Variants in DAB1 observed in about 807,000 individuals in gnomAD.
The protein encoded by DAB1 is DAB adaptor protein 1, also known as disabled homolog 1.
Under a neutral mutation model 64.6 loss-of-function variants are expected in DAB1, and 15 were observed. The ratio of observed to expected loss-of-function variants is 0.23; its 90% CI spans 0.16 to 0.36. The LOEUF (loss-of-function observed/expected upper bound fraction) is 0.36, where lower values mean the gene tolerates loss of function less well. DAB1 is among the 10% of genes least tolerant of loss of function. The pLI is 1.00. For missense variants in DAB1, 596 were observed against 706.7 expected (o/e 0.84, Z 1.78); for synonymous variants, 235 against 251.9 (o/e 0.93, Z 0.64).
chr1:57,672,140 C>A (rs987967199), intron 6 of DAB1, among the ~76,000 whole-genome samples: 1 of 152,062 alleles, frequency 6.6e-6, no homozygotes, highest in Admixed American at 6.6e-5. Context: ...GGTGTCATAT[C>A]CAGTCAGGTG....
intron 6 of DAB1, among the ~76,000 whole-genome samples, chr1:57,765,494 T>C (rs1049576819): frequency 6.6e-6 from 1 of 152,154 alleles, no homozygotes; most frequent in Admixed American, 6.6e-5. Context: ...TGAAAGCAGA[T>C]TCCATTTCCA....
intron 7 of DAB1, among the ~76,000 whole-genome samples, chr1:57,549,937 G>T (rs556411581): frequency 6.6e-6 from 1 of 152,128 alleles, no homozygotes; most frequent in Admixed American, 6.6e-5. Context: ...GTGGGCAAAG[G>T]CATCTTTTGT....
intron 3 of DAB1, among the ~76,000 whole-genome samples, chr1:58,430,509 C>T (rs532608521): frequency 4.6e-5 from 7 of 152,190 alleles, no homozygotes; most frequent in East Asian, 3.9e-4. Context: ...AACTCTGTGG[C>T]GCCAGAAGTG....
chr1:57,178,226 T>C (rs1662539722), intron 2 of DAB1, among the ~76,000 whole-genome samples: 1 of 151,358 alleles, frequency 6.6e-6, no homozygotes, highest in African/African-American at 2.4e-5. Flanking sequence ...TACTTAAAGC[T>C]AAATATACAT....
intron 5 of DAB1, among the ~76,000 whole-genome samples, chr1:58,094,630 T>C (rs1455311208): frequency 6.6e-6 from 1 of 152,248 alleles, no homozygotes; most frequent in Non-Finnish European, 1.5e-5. Context: ...TAAGGTACTG[T>C]ATATAAAACA....
chr1:58,429,470 G>A (rs1644849454), intron 3 of DAB1, among the ~76,000 whole-genome samples: 1 of 152,224 alleles, frequency 6.6e-6, no homozygotes, highest in African/African-American at 2.4e-5. Flanking sequence ...CGATCACAGT[G>A]AGATGTGCTG....
At chr1:57,015,648 A>C (rs1308826894) in intron 11 of DAB1, among the ~76,000 whole-genome samples, 1 of 152,220 alleles carries the variant, frequency 6.6e-6, no homozygotes, top group Admixed American at 6.5e-5. Context: ...TGAGGAGATG[A>C]TCTGTAAGCA....
intron 2 of DAB1, among the ~76,000 whole-genome samples, chr1:57,150,101 G>A (rs781479892): frequency 6.6e-6 from 1 of 152,092 alleles, no homozygotes; most frequent in South Asian, 2.1e-4. Flanking sequence ...CCAGCTCTCT[G>A]ACCTACCTCC....
intron 2 of DAB1, among the ~76,000 whole-genome samples, chr1:57,287,873 G>A (rs1057112183): frequency 2.0e-5 from 3 of 151,856 alleles, no homozygotes; most frequent in African/African-American, 7.3e-5. Flanking sequence ...TTGGCTCACC[G>A]TAACCTCTGC....
At chr1:57,910,451 G>T (rs961980074) in intron 5 of DAB1, among the ~76,000 whole-genome samples, 4 of 152,142 alleles carry the variant, frequency 2.6e-5, no homozygotes, top group Non-Finnish European at 5.9e-5. Flanking sequence ...CCACAGCACC[G>T]CTCTGGCAAG....
At chr1:58,255,260 C>G (rs567595877) in intron 4 of DAB1, among the ~76,000 whole-genome samples, 4 of 150,776 alleles carry the variant, frequency 2.7e-5, no homozygotes, top group Middle Eastern at 3.4e-3. Flanking sequence ...TTGTTTTTTT[C>G]TTGTAAATTT....
At chr1:58,344,735 G>C (rs1290789314) in intron 3 of DAB1, among the ~76,000 whole-genome samples, 2 of 152,162 alleles carry the variant, frequency 1.3e-5, no homozygotes, top group Non-Finnish European at 2.9e-5. Flanking sequence ...ACCATTGAGA[G>C]GTTAACTAAC....
chr1:58,132,347 C>T (rs944287084), intron 5 of DAB1, among the ~76,000 whole-genome samples: 3 of 152,174 alleles, frequency 2.0e-5, no homozygotes, highest in South Asian at 2.1e-4. Flanking sequence ...CACTGACCTG[C>T]GCCCACTGTC....
At chr1:57,949,501 ATC>A (rs1208173561) in intron 5 of DAB1, among the ~76,000 whole-genome samples, 78 of 150,258 alleles carry the variant, frequency 5.2e-4, no homozygotes, top group South Asian at 1.3e-3. Flanking sequence ...CTATCTATCT[ATC>A]TATCTATATC....
chr1:57,340,670 T>C (rs1004838306), intron 1 of DAB1, among the ~76,000 whole-genome samples: 4 of 152,178 alleles, frequency 2.6e-5, no homozygotes, highest in Non-Finnish European at 5.9e-5. Flanking sequence ...TTATTGAGTA[T>C]CAGTCTTGTG....
chr1:57,104,073 G>T (rs1234733590), intron 4 of DAB1, among the ~76,000 whole-genome samples: 1 of 152,162 alleles, frequency 6.6e-6, no homozygotes, highest in Non-Finnish European at 1.5e-5. Context: ...GTAGGTTATG[G>T]GGGTGAGAAG....
chr1:57,200,134 G>C (rs1664973053), intron 2 of DAB1, among the ~76,000 whole-genome samples: 1 of 152,118 alleles, frequency 6.6e-6, no homozygotes, highest in South Asian at 2.1e-4. Flanking sequence ...CCCCTCACTG[G>C]TCTGAAATTA....
At chr1:57,122,212 C>T (rs989100343) in intron 4 of DAB1, among the ~76,000 whole-genome samples, 11 of 152,154 alleles carry the variant, frequency 7.2e-5, no homozygotes, top group African/African-American at 2.7e-4. Flanking sequence ...GCTGTTTACT[C>T]GGCTGCTAGA....
At chr1:57,442,174 G>A (rs1240837498) in intron 7 of DAB1, among the ~76,000 whole-genome samples, 3 of 152,204 alleles carry the variant, frequency 2.0e-5, no homozygotes, top group African/African-American at 7.2e-5. Context: ...AATGATAGTT[G>A]TAAAATGGGG....
Sources: allele counts gnomAD v4.1 joint callset (sites outside exome capture counted in the v4.1 genomes callset), GRCh38; gene constraint gnomAD v4.1.1; transcripts MANE v1.5; gene names NCBI Gene and HGNC (gene_info 2026-07-23, HGNC 2026-07-21).